The following CRAMP1 variants were observed in gnomAD, a reference collection of about 807,000 sequenced individuals.
The protein encoded by CRAMP1 is protein cramped-like.
CRAMP1 carries 50 observed loss-of-function variants against 115.4 expected under a neutral mutation model. The ratio of observed to expected loss-of-function variants is 0.43; its 90% CI spans 0.35 to 0.55. The LOEUF (loss-of-function observed/expected upper bound fraction) is 0.55, where lower values mean the gene tolerates loss of function less well. Among genes scored for constraint, CRAMP1 ranks in the 20% least tolerant of loss-of-function variants. CRAMP1 has a pLI of 0.01. For synonymous variants in CRAMP1, 866 were observed against 745.4 expected, an observed-to-expected ratio of 1.16 and a Z score of -2.64; for missense variants, 1,679 against 1,721.7, an observed-to-expected ratio of 0.98 and a Z score of 0.44.
At chr16:1,626,440 C>G (rs2036509000) in intron 3 of CRAMP1, among the ~76,000 whole-genome samples, 1 of 152,184 alleles carries the variant, frequency 6.6e-6, no homozygotes, top group East Asian at 1.9e-4. Flanking sequence ...ATTCTCACCC[C>G]TTGTCTCTCA....
rs1057445773 is a variant in CRAMP1 at position 1,656,083 on chromosome 16, G to A, written c.1326G>A (p.Leu442=). The A allele has an allele frequency of 2.5e-6, 4 of 1,609,910 alleles. No individual in the cohort carries two copies. The African/African-American group carries it at 4.0e-5, about 16-fold the overall frequency. The change falls in exon 10 of 21, where the codon CTG becomes CTA. Residue 442 remains leucine (L), a synonymous_variant. Transcript: ENST00000397412. The surrounding 1 kb of genome is among the most constrained non-coding windows in gnomAD (Gnocchi z 5.6). The stretch of plus-strand genomic sequence containing the variant: ...AGAGTGCCAAGGACGCCCACGTGCT[G>A]CCCCCAGCCCAGATCCTGGGCATCC... The part of the protein sequence containing the change: ...CKQSAKDAHV[L]PPAQILGIQS...
chr16:1,668,264 C>A, intron 18 of CRAMP1, 71 bp downstream of exon 18: 2 of 1,120,422 alleles, frequency 1.8e-6, no homozygotes, highest in Non-Finnish European at 2.7e-6. Context: ...GTTTGCCACA[C>A]TTCCTGGGGA....
At chr16:1,629,106 C>T (rs1197397171) in intron 3 of CRAMP1, among the ~76,000 whole-genome samples, 2 of 152,228 alleles carry the variant, frequency 1.3e-5, no homozygotes, top group African/African-American at 2.4e-5. Flanking sequence ...CTGCTTATAT[C>T]CGTCCATCAT....
At chr16:1,641,603 C>T (rs1270590034) in intron 6 of CRAMP1, among the ~76,000 whole-genome samples, 1 of 152,170 alleles carries the variant, frequency 6.6e-6, no homozygotes, top group Non-Finnish European at 1.5e-5. Context: ...CCTTCTTGTG[C>T]CCTGGATGCT....
intron 2 of CRAMP1, among the ~76,000 whole-genome samples, chr16:1,623,313 G>T (rs551074810): frequency 1.3e-5 from 2 of 152,198 alleles, no homozygotes; most frequent in Non-Finnish European, 2.9e-5. Flanking sequence ...TGCCTTTACT[G>T]TTGTGCCTTC....
At chr16:1,662,357 T>C in intron 11 of CRAMP1, 133 bp from the exon 12 acceptor site, 2 of 679,852 alleles carry the variant, frequency 2.9e-6, no homozygotes. Context: ...GAGATAGAGG[T>C]GTCTCCTTTC....
intron 6 of CRAMP1, among the ~76,000 whole-genome samples, chr16:1,651,472 C>T (rs1164396591): frequency 1.4e-5 from 2 of 145,820 alleles, no homozygotes; most frequent in Non-Finnish European, 3.0e-5. Context: ...GGACTGAGGT[C>T]ACACACAGGT....
chr16:1,640,737 C>G (rs981161874), intron 5 of CRAMP1, among the ~76,000 whole-genome samples: 1 of 152,194 alleles, frequency 6.6e-6, no homozygotes, highest in Non-Finnish European at 1.5e-5. Context: ...ACTGTCAGTA[C>G]GAGCCCAGCA....
chr16:1,673,781 G>A lies in CRAMP1; in HGVS notation c.3646-100G>A, dbSNP rs150652440. The A allele has an allele frequency of 1.4e-4, 153 of 1,081,692 alleles. 1 individual carries two copies. Among genetic ancestry groups the A allele is most frequent in the African/African-American group, 1.4e-3 (90 of 64,632 alleles). 67.0% of individuals were successfully genotyped at this position (1,081,692 alleles called of 1,614,324 possible). On this transcript the variant is annotated intron_variant, in intron 20 of 20. Transcript: ENST00000397412. ...CATCCCTAGCTTAGCTTCCTGCAGC[G>A]GGAGTCGATAGGAGCTTCTCGTCCT...
chr16:1,672,647 T>C lies in CRAMP1; in HGVS notation c.3646-1234T>C, dbSNP rs1296987231. 2.0e-5 allele frequency among the ~76,000 whole-genome samples: 3 copies of C among 152,244 alleles called. No homozygotes were observed. Among genetic ancestry groups the C allele is most frequent in the African/African-American group, 4.8e-5 (2 of 41,452 alleles). On this transcript the variant is annotated intron_variant, in intron 20 of 20. Transcript: ENST00000397412. The surrounding 1 kb of genome is among the most constrained non-coding windows in gnomAD (Gnocchi z 4.9). ...TAGCTCTATTCAGAATTTTCCAGAC[T>C]TCTTGCATTCACAGTGTCATGCAGT...
intron 10 of CRAMP1, among the ~76,000 whole-genome samples, chr16:1,657,250 G>GT (rs1374048934): frequency 1.3e-5 from 2 of 152,252 alleles, no homozygotes; most frequent in Admixed American, 6.5e-5. Context: ...CTTGATGAGT[G>GT]TCCCCACTTA....
chr16:1,657,834 G>A (rs564666353), intron 10 of CRAMP1, among the ~76,000 whole-genome samples: 6 of 152,336 alleles, frequency 3.9e-5, no homozygotes, highest in Non-Finnish European at 7.4e-5. Flanking sequence ...GAAATGGCAC[G>A]TTTAGGGGCT....
In CRAMP1 at chr16:1,617,041, G is replaced by T. The variant is rs531965100; in HGVS notation, c.346+2056G>T. Among the ~76,000 whole-genome samples, 7 of 151,726 alleles carry T rather than the reference G, an allele frequency of 4.6e-5. No homozygotes were observed. In the South Asian group the frequency reaches 1.5e-3, roughly 32 times the overall value. On this transcript the variant is annotated intron_variant, in intron 2 of 20. Coordinates refer to ENST00000397412, the MANE Select transcript of CRAMP1 (RefSeq NM_020825.4). ...GGGTTTCACCGTGTTAGCCAGGATG[G>T]TCTCGATCTCCTGACCTTGTGATCC... is the stretch of plus-strand genomic sequence containing the variant.
At position 1,653,556 on chromosome 16, in the gene CRAMP1, G is replaced by A. The variant is rs547091776; in HGVS notation, c.1037+400G>A. Reference sequence around the variant, plus strand: ...ATTTTAAAAAATGAGGTGACCGGGTGCAGAGGCTCACGCCTATAATCCCAG... The same window carrying A: ...ATTTTAAAAAATGAGGTGACCGGGTACAGAGGCTCACGCCTATAATCCCAG... On this transcript the variant is annotated intron_variant, in intron 8 of 20. Coordinates refer to ENST00000397412, the MANE Select transcript of CRAMP1 (RefSeq NM_020825.4). 1.9e-4 allele frequency among the ~76,000 whole-genome samples: 29 copies of A among 152,344 alleles called. No homozygotes were observed. In the South Asian group the frequency reaches 4.8e-3, roughly 25 times the overall value.
rs575671944 is a variant in CRAMP1 at position 1,671,117 on chromosome 16, T to C, written c.3645+308T>C. Among the ~76,000 whole-genome samples the C allele has an allele frequency of 1.3e-5, 2 of 152,220 alleles. No homozygotes were observed. The highest frequency in any genetic ancestry group is 6.5e-5 in the Admixed American group (1 of 15,294). ...GAAGGCAGCCAGAGCCGAGTGGGGA[T>C]GTTACCTCTCCTTCCCTGGCTGTGA... On this transcript the variant is annotated intron_variant, in intron 20 of 20. Coordinates refer to ENST00000397412, the MANE Select transcript of CRAMP1 (RefSeq NM_020825.4). This position sits in a 1 kb window ranked among gnomAD's most constrained non-coding sequence, Gnocchi z 5.0.
intron 13 of CRAMP1, among the ~76,000 whole-genome samples, chr16:1,664,364 C>T (rs528077469): frequency 4.2e-4 from 64 of 152,322 alleles, no homozygotes; most frequent in Non-Finnish European, 7.6e-4. Context: ...ATTTTACTCA[C>T]CCCATGTGTG....
intron 8 of CRAMP1, among the ~76,000 whole-genome samples, chr16:1,655,005 C>A (rs570641454): frequency 6.6e-6 from 1 of 152,376 alleles, no homozygotes; most frequent in Admixed American, 6.5e-5. Context: ...GTGTTGTTTT[C>A]TTTAGCTCTG....
intron 2 of CRAMP1, among the ~76,000 whole-genome samples, chr16:1,621,169 T>C (rs921831424): frequency 1.2e-4 from 18 of 152,298 alleles, no homozygotes; most frequent in African/African-American, 4.3e-4. Flanking sequence ...TGGATACTTT[T>C]TCTTCTTAAG....
At chr16:1,665,205 G>A in intron 14 of CRAMP1, 67 bp downstream of exon 14, 1 of 956,250 alleles carries the variant, frequency 1.0e-6, no homozygotes, top group Non-Finnish European at 1.7e-6. Context: ...TGGCTTTGGA[G>A]ACAATGGGTG....
Sources: allele counts gnomAD v4.1 joint callset (sites outside exome capture counted in the v4.1 genomes callset), GRCh38; gene constraint gnomAD v4.1.1; non-coding constraint Gnocchi (gnomAD v3.1); transcripts MANE v1.5; gene names NCBI Gene and HGNC (gene_info 2026-07-23, HGNC 2026-07-21).